TMEM182: variants seen among roughly 807,000 people sequenced by gnomAD.
The protein encoded by TMEM182 is transmembrane protein 182.
A neutral mutation model predicts 26.8 loss-of-function variants in TMEM182; 20 were observed. The ratio of observed to expected loss-of-function variants is 0.75; its 90% CI spans 0.53 to 1.09. The LOEUF is 1.09. TMEM182 is among the 50% of genes least tolerant of loss of function. The probability of loss-of-function intolerance (pLI) is 0.00; values close to 1 mark genes in which losing one functional copy is unlikely to be tolerated. For synonymous variants in TMEM182, 109 were observed against 102.2 expected (o/e 1.07, Z -0.40); for missense variants, 277 against 275.5 (o/e 1.01, Z -0.04).
intron 3 of TMEM182, among the ~76,000 whole-genome samples, chr2:102,792,876 C>T (rs1226285094): frequency 5.9e-5 from 9 of 152,302 alleles, no homozygotes; most frequent in Admixed American, 1.3e-4. Flanking sequence ...GGCAGGGACT[C>T]GCAGTGGTCA....
chr2:102,750,363 C>G (rs1679843115), intron 1 of TMEM182, among the ~76,000 whole-genome samples: 2 of 152,158 alleles, frequency 1.3e-5, no homozygotes, highest in Admixed American at 1.3e-4. Context: ...TTGTATGTGC[C>G]TCCCATGGTT....
rs1225380159 is a variant in TMEM182, at chr2:102,815,066, A to G, written c.*98A>G. ...TGATCCCAGCATAAAGTTAGTAGAT[A>G]TAACTTTTTAGTTGCTATTCAAATT... On this transcript the variant is annotated 3_prime_UTR_variant, in exon 5 of 5. Coordinates refer to ENST00000412401, the MANE Select transcript of TMEM182 (RefSeq NM_144632.5). 2 of 1,483,236 alleles carry G rather than the reference A, an allele frequency of 1.3e-6. No homozygotes were observed. The highest frequency in any genetic ancestry group is 1.4e-5 in the South Asian group (1 of 71,148). The allele number at this position is 1,483,236 out of a possible 1,614,324, so 91.9% of individuals were successfully genotyped here.
At chr2:102,762,738 C>A (rs750104995) in intron 2 of TMEM182, 52 bp downstream of exon 2, 13 of 1,444,266 alleles carry the variant, frequency 9.0e-6, no homozygotes, top group Non-Finnish European at 1.2e-5. Flanking sequence ...TAAAAATGAA[C>A]AGTTTCTTAC....
At position 102,816,369 on chromosome 2, in the gene TMEM182, T is replaced by G; in HGVS notation, c.*1401T>G. 2.0e-6 allele frequency: 2 copies of G among 985,288 alleles called. No individual in the cohort carries two copies. The highest frequency in any genetic ancestry group is 1.2e-6 in the Non-Finnish European group (1 of 829,914). 61.0% of individuals were successfully genotyped at this position (985,288 alleles called of 1,614,324 possible). A position where few individuals can be genotyped will look rare whatever the true frequency, so the allele number is the denominator to read the frequency against. ...AGAGGAACTGCTCCTTTTCATCAGC[T>G]CTTCCAATGCCGTGGGAGAGGTGAT... On this transcript the variant is annotated 3_prime_UTR_variant, in exon 5 of 5. Coordinates refer to ENST00000412401, the MANE Select transcript of TMEM182 (RefSeq NM_144632.5).
At position 102,815,045 on chromosome 2, in the gene TMEM182, C is replaced by A. The variant is rs1682695411; in HGVS notation, c.*77C>A. ...TTTTTTTCCATTTTGTTTCATTGAT[C>A]CCAGCATAAAGTTAGTAGATATAAC... On this transcript the variant is annotated 3_prime_UTR_variant, in exon 5 of 5. Coordinates refer to ENST00000412401, the MANE Select transcript of TMEM182 (RefSeq NM_144632.5). 6.4e-6 allele frequency: 10 copies of A among 1,554,386 alleles called. No individual in the cohort carries two copies. Among genetic ancestry groups the A allele is most frequent in the East Asian group, 2.3e-5 (1 of 43,706 alleles).
chr2:102,750,668 C>T (rs539706817), intron 1 of TMEM182, among the ~76,000 whole-genome samples: 1 of 152,272 alleles, frequency 6.6e-6, no homozygotes, highest in African/African-American at 2.4e-5. Context: ...CTCTCTCAGA[C>T]TCTGCAGAAA....
At chr2:102,746,199 G>A (rs1679690748) in intron 1 of TMEM182, among the ~76,000 whole-genome samples, 1 of 152,146 alleles carries the variant, frequency 6.6e-6, no homozygotes, top group South Asian at 2.1e-4. Context: ...ATGATATTAA[G>A]CATTTCTCAT....
Position 102,815,875 on chromosome 2 carries a change from T to C in TMEM182, c.*907T>C. ...TTTAATATTTTTTAGATATAAACTT[T>C]CAACGTACTTCCATATGAGGATTAT... On this transcript the variant is annotated 3_prime_UTR_variant, in exon 5 of 5. Coordinates refer to ENST00000412401, the MANE Select transcript of TMEM182 (RefSeq NM_144632.5). 6.5e-6 allele frequency: 6 copies of C among 921,664 alleles called. No individual in the cohort carries two copies. Among genetic ancestry groups the C allele is most frequent in the Non-Finnish European group, 7.8e-6 (6 of 772,276 alleles). The allele number at this position is 921,664 out of a possible 1,614,324, so 57.1% of individuals were successfully genotyped here.
intron 1 of TMEM182, among the ~76,000 whole-genome samples, chr2:102,746,998 G>A (rs1679718896): frequency 6.6e-6 from 1 of 152,100 alleles, no homozygotes; most frequent in Admixed American, 6.6e-5. Context: ...TATGCCTTTA[G>A]GACAAATTAC....
intron 3 of TMEM182, among the ~76,000 whole-genome samples, chr2:102,830,425 C>A (rs973411512): frequency 1.3e-5 from 2 of 152,116 alleles, no homozygotes; most frequent in Non-Finnish European, 2.9e-5. Context: ...TAGCTCTAAT[C>A]ATGAATTTTG....
At chr2:102,777,765 TTC>T (rs1464319345) in intron 3 of TMEM182, among the ~76,000 whole-genome samples, 2 of 151,650 alleles carry the variant, frequency 1.3e-5, no homozygotes, top group Non-Finnish European at 2.9e-5. Flanking sequence ...CCTTTTTTTT[TTC>T]TTTTTCTCTT....
chr2:102,821,039 C>T (rs537217947), downstream of TMEM182, among the ~76,000 whole-genome samples: 119 of 152,268 alleles, frequency 7.8e-4, no homozygotes, highest in African/African-American at 2.6e-3. Flanking sequence ...TTCTCAAAGT[C>T]CTGCAGTGGC....
At chr2:102,800,639 T>G (rs949318675) in intron 4 of TMEM182, among the ~76,000 whole-genome samples, 7 of 151,990 alleles carry the variant, frequency 4.6e-5, no homozygotes, top group African/African-American at 1.7e-4. Context: ...TACAAATATT[T>G]GTTTCTTCTT....
Position 102,803,348 on chromosome 2 carries a change from G to A in TMEM182, c.469+5348G>A, listed in dbSNP as rs186410425. ...AAGCACAGCCGTCTGCAGCTCACCCGTCCTTCCCTGCTCTGGAGGCAGTGC... is the reference window on the plus strand; with the variant it reads ...AAGCACAGCCGTCTGCAGCTCACCCATCCTTCCCTGCTCTGGAGGCAGTGC... On this transcript the variant is annotated intron_variant, in intron 4 of 4. Transcript: ENST00000412401. Among the ~76,000 whole-genome samples the A allele has an allele frequency of 2.0e-3, 305 of 152,306 alleles. 1 individual carries two copies. Among genetic ancestry groups the A allele is most frequent in the African/African-American group, 6.8e-3 (281 of 41,554 alleles).
At chr2:102,790,279 T>G (rs1214088597) in intron 3 of TMEM182, among the ~76,000 whole-genome samples, 1 of 152,230 alleles carries the variant, frequency 6.6e-6, no homozygotes, top group African/African-American at 2.4e-5. Flanking sequence ...AGGCCCCTGA[T>G]GAGACACCAG....
In TMEM182 at chr2:102,817,479, C is replaced by T. The variant is rs749415799; in HGVS notation, c.*2511C>T. On this transcript the variant is annotated 3_prime_UTR_variant, in exon 5 of 5. Coordinates refer to ENST00000412401, the MANE Select transcript of TMEM182 (RefSeq NM_144632.5). ...TAATTCACTCAGGTGGATGATTGCA[C>T]ATACATTGGAATTGGCTGGAGAGAC... 2.9e-4 allele frequency: 288 copies of T among 984,830 alleles called. No individual in the cohort carries two copies. The highest frequency in any genetic ancestry group is 3.3e-4 in the Non-Finnish European group (273 of 829,834). The allele number at this position is 984,830 out of a possible 1,614,324, so 61.0% of individuals were successfully genotyped here.
downstream of TMEM182, among the ~76,000 whole-genome samples, chr2:102,819,119 A>T (rs999388616): frequency 6.6e-6 from 1 of 152,198 alleles, no homozygotes; most frequent in African/African-American, 2.4e-5. Flanking sequence ...AAAATGTAGG[A>T]TAGTTGTCTT....
In TMEM182 at chr2:102,815,318, C is replaced by G; in HGVS notation, c.*350C>G. 9.9e-7 allele frequency: 1 copy of G among 1,010,002 alleles called. No individual in the cohort carries two copies. Among genetic ancestry groups the G allele is most frequent in the Non-Finnish European group, 1.2e-6 (1 of 846,756 alleles). The allele number at this position is 1,010,002 out of a possible 1,614,324, so 62.6% of individuals were successfully genotyped here. On this transcript the variant is annotated 3_prime_UTR_variant, in exon 5 of 5. Transcript: ENST00000412401. Reference sequence around the variant, plus strand: ...CTCGATAGATTTGGCTTAAAGTCTCCTTGGCATTCACTTCTGCTAATTAAA... The same window carrying G: ...CTCGATAGATTTGGCTTAAAGTCTCGTTGGCATTCACTTCTGCTAATTAAA...
At chr2:102,788,254 G>T (rs2732810) in intron 3 of TMEM182, among the ~76,000 whole-genome samples, 2 of 151,932 alleles carry the variant, frequency 1.3e-5, no homozygotes, top group East Asian at 1.9e-4. Context: ...TCATTCAGCT[G>T]GTCTGGTTTG....
Sources: allele counts gnomAD v4.1 joint callset (sites outside exome capture counted in the v4.1 genomes callset), GRCh38; gene constraint gnomAD v4.1.1; transcripts MANE v1.5; gene names NCBI Gene and HGNC (gene_info 2026-07-23, HGNC 2026-07-21).